NYAP2: variants seen among roughly 807,000 people sequenced by gnomAD.
The protein encoded by NYAP2 is neuronal tyrosine-phosphorylated phosphoinositide-3-kinase adaptor 2.
NYAP2 carries 23 observed loss-of-function variants against 50.4 expected under a neutral mutation model. That is an observed-to-expected ratio of 0.46 (90% CI 0.33 to 0.65). The LOEUF is 0.65. NYAP2 is among the 30% of genes least tolerant of loss of function. The pLI is 0.02. For missense variants in NYAP2, 885 were observed against 861.0 expected (o/e 1.03, Z -0.35); for synonymous variants, 394 against 365.2 (o/e 1.08, Z -0.90).
intron 3 of NYAP2, among the ~76,000 whole-genome samples, chr2:225,512,913 TTTTC>T (rs1406228656): frequency 1.8e-3 from 267 of 149,934 alleles, no homozygotes; most frequent in African/African-American, 5.9e-3. Flanking sequence ...TTTCCTTTCT[TTTTC>T]TTTCTTTCTT....
chr2:225,563,728 T>A (rs1013015878), intron 4 of NYAP2, among the ~76,000 whole-genome samples: 4 of 152,156 alleles, frequency 2.6e-5, no homozygotes, highest in Admixed American at 6.5e-5. Context: ...TGTGTTTGTG[T>A]ATCCATATTC....
chr2:225,656,296 C>T (rs1292530722), downstream of NYAP2, among the ~76,000 whole-genome samples: 1 of 152,166 alleles, frequency 6.6e-6, no homozygotes, highest in African/African-American at 2.4e-5. Context: ...GCGTCCTCAC[C>T]ACCCAGGACA....
intron 4 of NYAP2, among the ~76,000 whole-genome samples, chr2:225,517,062 GC>G (rs1211187619): frequency 6.6e-6 from 1 of 151,004 alleles, no homozygotes; most frequent in Non-Finnish European, 1.5e-5. Context: ...AAACTGTTGA[GC>G]ACAAACAAAA....
At chr2:225,656,122 G>T (rs569551833), downstream of NYAP2, among the ~76,000 whole-genome samples, 5 of 152,164 alleles carry the variant, frequency 3.3e-5, no homozygotes, top group South Asian at 1.0e-3. Flanking sequence ...TCCTTGATTT[G>T]GGGGAGGGAG....
chr2:225,539,764 T>G (rs1691424402), intron 4 of NYAP2, among the ~76,000 whole-genome samples: 1 of 152,198 alleles, frequency 6.6e-6, no homozygotes, highest in South Asian at 2.1e-4. Flanking sequence ...GTCAGATGGA[T>G]AGATTGCAAA....
chr2:225,443,508 C>T (rs578209716), intron 3 of NYAP2, among the ~76,000 whole-genome samples: 19 of 152,130 alleles, frequency 1.2e-4, no homozygotes, highest in African/African-American at 3.4e-4. Context: ...ATCAATACTA[C>T]GTACTGGAGC....
chr2:225,691,176 A>G, the NYAP2 span, among the ~76,000 whole-genome samples: 1 of 151,970 alleles, frequency 6.6e-6, no homozygotes, highest in African/African-American at 2.4e-5. Flanking sequence ...TTCATCTTAC[A>G]TGATAGTTCA....
chr2:225,674,800 G>A, the NYAP2 span, among the ~76,000 whole-genome samples: 1 of 152,110 alleles, frequency 6.6e-6, no homozygotes, highest in Non-Finnish European at 1.5e-5. Context: ...GGTCACAATA[G>A]GAGTGTTGGG....
At chr2:225,413,221 G>A (rs1324379683) in intron 3 of NYAP2, among the ~76,000 whole-genome samples, 1 of 152,092 alleles carries the variant, frequency 6.6e-6, no homozygotes, top group Non-Finnish European at 1.5e-5. Flanking sequence ...CCAAAATCAG[G>A]ACCCACGTAC....
At chr2:225,546,670 G>A (rs968342946) in intron 4 of NYAP2, among the ~76,000 whole-genome samples, 2 of 152,028 alleles carry the variant, frequency 1.3e-5, no homozygotes, top group African/African-American at 2.4e-5. Flanking sequence ...GGTTCACTTG[G>A]TACTCTGCCC....
chr2:225,629,381 G>A (rs993939298), intron 6 of NYAP2, among the ~76,000 whole-genome samples: 1 of 152,142 alleles, frequency 6.6e-6, no homozygotes, highest in South Asian at 2.1e-4. Flanking sequence ...ATCTCTTCCA[G>A]AAATACCCTC....
chr2:225,477,971 G>C (rs901695677), intron 3 of NYAP2, among the ~76,000 whole-genome samples: 1 of 152,128 alleles, frequency 6.6e-6, no homozygotes, highest in African/African-American at 2.4e-5. Flanking sequence ...TGTTCAAGGA[G>C]CCCGAAATTA....
intron 3 of NYAP2, among the ~76,000 whole-genome samples, chr2:225,435,717 C>G (rs13404618): frequency 0.13 from 19,289 of 152,194 alleles, 2,281 homozygotes; most frequent in African/African-American, 0.31. Flanking sequence ...AGCAGTTACT[C>G]TTTTTGGCTT....
At chr2:225,456,609 C>A (rs139010211) in intron 3 of NYAP2, among the ~76,000 whole-genome samples, 94 of 152,248 alleles carry the variant, frequency 6.2e-4, no homozygotes, top group African/African-American at 2.1e-3. Context: ...GATGCCTTAT[C>A]CTCCTAGGGC....
At chr2:225,442,282 G>A (rs1212406642) in intron 3 of NYAP2, among the ~76,000 whole-genome samples, 5 of 152,150 alleles carry the variant, frequency 3.3e-5, no homozygotes, top group African/African-American at 9.7e-5. Context: ...AAGCACTGGA[G>A]AAGGAAAAAG....
At chr2:225,642,558 C>G (rs529783075) in intron 6 of NYAP2, among the ~76,000 whole-genome samples, 71 of 152,228 alleles carry the variant, frequency 4.7e-4, no homozygotes, top group African/African-American at 1.5e-3. Flanking sequence ...AGGTATAGCT[C>G]TTTCCCAAAA....
chr2:225,471,149 G>A (rs1690007778), intron 3 of NYAP2, among the ~76,000 whole-genome samples: 1 of 152,162 alleles, frequency 6.6e-6, no homozygotes, highest in Non-Finnish European at 1.5e-5. Context: ...TGCAACAAAT[G>A]TCTGCCAGAT....
the NYAP2 span, among the ~76,000 whole-genome samples, chr2:225,661,846 C>T: frequency 6.6e-6 from 1 of 151,974 alleles, no homozygotes; most frequent in Non-Finnish European, 1.5e-5. Context: ...GCCTCAGCCT[C>T]CCAAGTAGTT....
At chr2:225,535,604 C>T (rs1289409637) in intron 4 of NYAP2, among the ~76,000 whole-genome samples, 1 of 152,140 alleles carries the variant, frequency 6.6e-6, no homozygotes, top group Non-Finnish European at 1.5e-5. Flanking sequence ...GAGATTTATT[C>T]CAAGGGAGCA....
Sources: allele counts gnomAD v4.1 joint callset (sites outside exome capture counted in the v4.1 genomes callset), GRCh38; gene constraint gnomAD v4.1.1; transcripts MANE v1.5; gene names NCBI Gene and HGNC (gene_info 2026-07-23, HGNC 2026-07-21).